ARID4B: variants seen among roughly 807,000 people sequenced by gnomAD.
ARID4B encodes AT-rich interactive domain-containing protein 4B.
A neutral mutation model predicts 147.5 loss-of-function variants in ARID4B; 26 were observed. That is an observed-to-expected ratio of 0.18 (90% CI 0.13 to 0.24). The LOEUF is 0.24. Among genes scored for constraint, ARID4B ranks in the 10% least tolerant of loss-of-function variants. The pLI is 1.00. For missense variants in ARID4B, 1,179 were observed against 1,511.5 expected (o/e 0.78, Z 3.65); for synonymous variants, 512 against 507.9 (o/e 1.01, Z -0.11).
chr1:235,255,554 A>C (rs879769821), intron 5 of ARID4B, 106 bp downstream of exon 5: 12 of 646,864 alleles, frequency 1.9e-5, no homozygotes, highest in Non-Finnish European at 2.5e-5. Context: ...AACAGTAATA[A>C]TATCTAGGGT....
chr1:235,236,170 T>C (rs370954008), intron 8 of ARID4B, among the ~76,000 whole-genome samples: 3 of 152,126 alleles, frequency 2.0e-5, no homozygotes, highest in African/African-American at 7.2e-5. Context: ...GAAACACAAA[T>C]ACTATTTGTG....
chr1:235,265,399 T>C (rs1670539296), intron 2 of ARID4B, among the ~76,000 whole-genome samples: 1 of 150,602 alleles, frequency 6.6e-6, no homozygotes, highest in South Asian at 2.1e-4. Context: ...ATACAGTAAT[T>C]AAGAGTATAG....
At chr1:235,276,258 T>C (rs1005022201) in intron 2 of ARID4B, among the ~76,000 whole-genome samples, 9 of 151,158 alleles carry the variant, frequency 6.0e-5, no homozygotes, top group African/African-American at 2.2e-4. Context: ...TATTATAACA[T>C]TAGTAGCATT....
intron 17 of ARID4B, among the ~76,000 whole-genome samples, chr1:235,209,556 G>GT (rs547505296): frequency 5.4e-4 from 80 of 147,114 alleles, no homozygotes; most frequent in African/African-American, 1.6e-3. Context: ...TGATTTTTTT[G>GT]TTTTTTGTTT....
At chr1:235,209,301 T>A (rs368945766) in intron 17 of ARID4B, among the ~76,000 whole-genome samples, 2 of 152,204 alleles carry the variant, frequency 1.3e-5, no homozygotes, top group South Asian at 4.1e-4. Context: ...TGAAACCCCA[T>A]CTCTACTAAA....
At chr1:235,284,525 T>C (rs1219809244) in intron 2 of ARID4B, among the ~76,000 whole-genome samples, 1 of 152,158 alleles carries the variant, frequency 6.6e-6, no homozygotes, top group Non-Finnish European at 1.5e-5. Flanking sequence ...TATGACCTAG[T>C]ATTTCAAATA....
chr1:235,308,305 T>G (rs868387851), intron 2 of ARID4B, among the ~76,000 whole-genome samples: 1 of 152,152 alleles, frequency 6.6e-6, no homozygotes, highest in Middle Eastern at 3.4e-3. Context: ...GGTTTCGCTG[T>G]GTTGGCCAGG....
chr1:235,230,588 A>G (rs1354401143), intron 10 of ARID4B, among the ~76,000 whole-genome samples: 1 of 136,692 alleles, frequency 7.3e-6, no homozygotes, highest in Non-Finnish European at 1.6e-5. Flanking sequence ...ATGCCTGACT[A>G]TAAGCTAAAA....
At chr1:235,293,825 T>C (rs908817869) in intron 2 of ARID4B, among the ~76,000 whole-genome samples, 4 of 152,088 alleles carry the variant, frequency 2.6e-5, no homozygotes, top group African/African-American at 9.7e-5. Flanking sequence ...AATATATATA[T>C]ACCAGACTTT....
At chr1:235,308,610 G>C (rs1006851814) in intron 2 of ARID4B, among the ~76,000 whole-genome samples, 1 of 152,092 alleles carries the variant, frequency 6.6e-6, no homozygotes, top group Non-Finnish European at 1.5e-5. Context: ...GAGTGCCCGC[G>C]ATTGCAGGTG....
chr1:235,255,841 A>G (rs567687354), intron 4 of ARID4B, 91 bp from the exon 5 acceptor site: 2 of 787,100 alleles, frequency 2.5e-6, no homozygotes, highest in African/African-American at 3.6e-5. Context: ...TGAGTGCATG[A>G]TGGTGAAGAA....
chr1:235,274,890 C>T (rs10754588), intron 2 of ARID4B, among the ~76,000 whole-genome samples: 71,027 of 152,042 alleles, frequency 0.47, 16,933 homozygotes, highest in South Asian at 0.6. Context: ...GTTAAGTCTG[C>T]TGCAGACTTA....
intron 2 of ARID4B, 65 bp from the exon 3 acceptor site, chr1:235,260,817 G>A (rs549926411): frequency 1.8e-6 from 2 of 1,109,778 alleles, no homozygotes; most frequent in South Asian, 2.8e-5. Context: ...TCAGACCTCA[G>A]AATAGTGAGC....
At position 235,175,409 on chromosome 1, in the gene ARID4B, A is replaced by G; in HGVS notation, c.3449-10T>C. The G allele has an allele frequency of 1.3e-6, 2 of 1,592,458 alleles. No homozygotes were observed. The highest frequency in any genetic ancestry group is 1.7e-6 in the Non-Finnish European group (2 of 1,164,640). On this transcript the variant is annotated splice_polypyrimidine_tract_variant and intron_variant, in intron 21 of 23. Transcript: ENST00000264183. ...CTATCACTACTATTTGCTGAAAGAG[A>G]AAGAAAAGATTTAATAAACAAAAAT...
chr1:235,224,674 C>T (rs757988843), intron 12 of ARID4B, 29 bp downstream of exon 12: 32 of 1,443,108 alleles, frequency 2.2e-5, no homozygotes, highest in Non-Finnish European at 2.8e-5. Context: ...CAAAACTTAC[C>T]ACGTTAATGA....
At chr1:235,199,125 T>TG (rs1665704770) in intron 17 of ARID4B, among the ~76,000 whole-genome samples, 2 of 152,072 alleles carry the variant, frequency 1.3e-5, no homozygotes, top group African/African-American at 4.8e-5. Flanking sequence ...AAAATTCTCA[T>TG]GGAATACTCT....
In ARID4B at chr1:235,182,737, T is replaced by C. The variant is rs779050173; in HGVS notation, c.2182A>G (p.Met728Val). Residue 728 changes from methionine (M) to valine (V), a missense_variant, in exon 20 of 24, where the codon ATG becomes GTG. Transcript: ENST00000264183. ...GATTCCTCTTTGCCATTATTATCCA[T>C]GTCTTGAGCACCTCTCTCATCTTCC... ...EQEDERGAQDMDNNGKEESKI... is the reference protein window; with the variant it reads ...EQEDERGAQDVDNNGKEESKI... The C allele has an allele frequency of 1.9e-6, 3 of 1,612,368 alleles. No individual in the cohort carries two copies. Among genetic ancestry groups the C allele is most frequent in the Non-Finnish European group, 1.7e-6 (2 of 1,179,496 alleles).
intron 16 of ARID4B, among the ~76,000 whole-genome samples, chr1:235,218,466 G>C (rs570303590): frequency 1.3e-5 from 2 of 152,254 alleles, no homozygotes; most frequent in East Asian, 3.9e-4. Flanking sequence ...GTAAAAAGCT[G>C]AATCTTTATT....
At chr1:235,239,427 T>A (rs1668839649) in intron 8 of ARID4B, among the ~76,000 whole-genome samples, 1 of 152,200 alleles carries the variant, frequency 6.6e-6, no homozygotes, top group South Asian at 2.1e-4. Context: ...TATAGCTAAT[T>A]ATTAGTTGAA....
Sources: gnomAD v4.1 joint callset for allele counts (sites outside exome capture counted in the v4.1 genomes callset) on GRCh38, gnomAD v4.1.1 for gene constraint, MANE v1.5 for transcripts, NCBI Gene and HGNC (gene_info 2026-07-23, HGNC 2026-07-21) for gene names.